Variants in TAP2 observed in about 807,000 individuals in gnomAD.
TAP2 encodes transporter 2, ATP binding cassette subfamily B member.
A neutral mutation model predicts 74.7 loss-of-function variants in TAP2; 49 were observed. That is an observed-to-expected ratio of 0.66 (90% CI 0.52 to 0.83). The LOEUF (loss-of-function observed/expected upper bound fraction) is 0.83, where lower values mean the gene tolerates loss of function less well. Ranked by LOEUF, TAP2 falls within the 40% of genes least tolerant of loss-of-function variation. The pLI, the probability that TAP2 is intolerant of heterozygous loss-of-function variation, is 0.00. For synonymous variants in TAP2, 306 were observed against 368.4 expected (o/e 0.83, Z 1.94); for missense variants, 739 against 859.0 (o/e 0.86, Z 1.75).
At position 32,832,457 on chromosome 6, in the gene TAP2, A is replaced by T; in HGVS notation, c.1148T>A (p.Leu383Gln). Residue 383 changes from leucine (L) to glutamine (Q), a missense_variant, in exon 7 of 12, where the codon CTG (leucine) becomes CAG (glutamine). Coordinates refer to ENST00000374897, the MANE Select transcript of TAP2 (RefSeq NM_001290043.2). This position sits in a 1 kb window ranked among gnomAD's most constrained non-coding sequence, Gnocchi z 5.9. Reference sequence around the variant, plus strand: ...CATCAGCATCTGCACCCCCAAGTGCAGCACCTGGAAGAGGAGAAGAAAGAG... The same window carrying T: ...CATCAGCATCTGCACCCCCAAGTGCTGCACCTGGAAGAGGAGAAGAAAGAG... ...RALYLLVRRV[L>Q]HLGVQMLMLS... 1 of 1,612,480 alleles carries T rather than the reference A, an allele frequency of 6.2e-7. No individual in the cohort carries two copies. Among genetic ancestry groups the T allele is most frequent in the Non-Finnish European group, 8.5e-7 (1 of 1,179,822 alleles).
chr6:32,827,614 G>T lies in TAP2; in HGVS notation c.*1292C>A. 1 of 593,608 alleles carries T rather than the reference G, an allele frequency of 1.7e-6. No individual in the cohort carries two copies. The highest frequency in any genetic ancestry group is 6.3e-5 in the Admixed American group (1 of 15,754). The allele number at this position is 593,608 out of a possible 1,614,324, so 36.8% of individuals were successfully genotyped here. On this transcript the variant is annotated 3_prime_UTR_variant, in exon 12 of 12. Transcript: ENST00000374897. The stretch of plus-strand genomic sequence containing the variant: ...TCTTGAACTTGAAAATCAGGGGCGA[G>T]TCGAGCAGAAAATGGGCAAGAAAAC...
In TAP2 at chr6:32,830,011, C is replaced by T. The variant is rs370090254; in HGVS notation, c.1714G>A (p.Glu572Lys). Residue 572 changes from glutamate to lysine, a missense_variant, in exon 10 of 12, where the codon GAA becomes AAA. Transcript: ENST00000374897. ...NNIAYGLQSC[E>K]DDKVMAAAQA... ...GCAGCCGCCATCACCTTATCATCTTCGCAGCTCTGCAGCCCATAAGCAATG... is the reference window on the plus strand; with the variant it reads ...GCAGCCGCCATCACCTTATCATCTTTGCAGCTCTGCAGCCCATAAGCAATG... 8.1e-6 allele frequency: 13 copies of T among 1,612,998 alleles called. No homozygotes were observed. The highest frequency in any genetic ancestry group is 8.0e-5 in the African/African-American group (6 of 74,898).
chr6:32,822,353 T>C (rs1318739943), downstream of TAP2: 30 of 1,343,132 alleles, frequency 2.2e-5, no homozygotes, highest in Non-Finnish European at 3.0e-5. Flanking sequence ...CCCTTGATCT[T>C]AATGGGTGTT....
Position 32,830,000 on chromosome 6 carries a change from C to T in TAP2, c.1725G>A (p.Lys575=), listed in dbSNP as rs1469313516. The part of the protein sequence containing the change: ...AYGLQSCEDD[K]VMAAAQAAHA... Reference sequence around the variant, plus strand: ...GGGCAGCCTGGGCAGCCGCCATCACCTTATCATCTTCGCAGCTCTGCAGCC... The same window carrying T: ...GGGCAGCCTGGGCAGCCGCCATCACTTTATCATCTTCGCAGCTCTGCAGCC... Residue 575 remains lysine, a synonymous_variant, in exon 10 of 12, where the codon AAG becomes AAA. Coordinates refer to ENST00000374897, the MANE Select transcript of TAP2 (RefSeq NM_001290043.2). 2 of 1,613,158 alleles carry T rather than the reference C, an allele frequency of 1.2e-6. No individual in the cohort carries two copies. Among genetic ancestry groups the T allele is most frequent in the Non-Finnish European group, 1.7e-6 (2 of 1,180,032 alleles).
chr6:32,827,717 C>G lies in TAP2; in HGVS notation c.*1189G>C. 2.1e-6 allele frequency: 2 copies of G among 935,528 alleles called. No homozygotes were observed. Among genetic ancestry groups the G allele is most frequent in the Non-Finnish European group, 2.5e-6 (2 of 785,844 alleles). The allele number at this position is 935,528 out of a possible 1,614,324, so 58.0% of individuals were successfully genotyped here. A position where few individuals can be genotyped will look rare whatever the true frequency, so the allele number is the denominator to read the frequency against. On this transcript the variant is annotated 3_prime_UTR_variant, in exon 12 of 12. Transcript: ENST00000374897. ...CTGGATACAACAGGAGAGGGTGAGA[C>G]AGATGGGCTGGAACAGTGTGTGCTC...
Position 32,838,134 on chromosome 6 carries a change from C to T in TAP2, c.100G>A (p.Gly34Arg), listed in dbSNP as rs145218757. 4.9e-5 allele frequency: 79 copies of T among 1,608,430 alleles called. No homozygotes were observed. Among genetic ancestry groups the T allele is most frequent in the Non-Finnish European group, 6.7e-5 (79 of 1,177,286 alleles). Residue 34 changes from glycine to arginine, a missense_variant, in exon 2 of 12, where the codon GGG becomes AGG. Physicochemically the swap from Gly to Arg is moderately radical, Grantham distance 125. Transcript: ENST00000374897. ...CCCTCCAGCCATAGTCCTGGCAGCC[C>T]TTGAGGAAGCAAAGTCCCCAGAGGG... ...QGPLGTLLPQ[G>R]LPGLWLEGTL...
downstream of TAP2, chr6:32,825,260 A>T (rs887127994): frequency 6.6e-6 from 1 of 151,950 alleles, no homozygotes; most frequent in Non-Finnish European, 1.5e-5. Context: ...TGGACTCAGC[A>T]ACTCCCCTTT....
In TAP2 at chr6:32,835,921, G is replaced by C; in HGVS notation, c.609-148C>G. Reference sequence around the variant, plus strand: ...GCAAAAGAGAAAGAAATGAGAGACAGACACACAGAGAGAGAAGAGGTAAGG... The same window carrying C: ...GCAAAAGAGAAAGAAATGAGAGACACACACACAGAGAGAGAAGAGGTAAGG... On this transcript the variant is annotated intron_variant, in intron 3 of 11. Coordinates refer to ENST00000374897, the MANE Select transcript of TAP2 (RefSeq NM_001290043.2). This position sits in a 1 kb window ranked among gnomAD's most constrained non-coding sequence, Gnocchi z 4.0. 1.1e-6 allele frequency: 1 copy of C among 932,278 alleles called. No homozygotes were observed. The highest frequency in any genetic ancestry group is 1.5e-5 in the South Asian group (1 of 67,334). 57.8% of individuals were successfully genotyped at this position (932,278 alleles called of 1,614,324 possible).
chr6:32,829,089 C>G, intron 11 of TAP2, 55 bp from the exon 12 acceptor site: 2 of 1,521,540 alleles, frequency 1.3e-6, no homozygotes, highest in Middle Eastern at 1.7e-4. Context: ...GACACCACAT[C>G]CACCTGGGCA....
Position 32,837,995 on chromosome 6 carries a change from C to T in TAP2, c.239G>A (p.Arg80Lys), listed in dbSNP as rs1265556134. ...CLATPLTVSLRALVAGASRAP... is the reference protein window; with the variant it reads ...CLATPLTVSLKALVAGASRAP... ...ACGTGAGGCCCCCGCGACCAGGGCT[C>T]TCAGGGAGACAGTCAGGGGGGTGGC... is the stretch of plus-strand genomic sequence containing the variant. The change falls in exon 2 of 12, where the codon AGA becomes AAA. Residue 80 changes from arginine to lysine, a missense_variant. Transcript: ENST00000374897. 3 of 1,612,464 alleles carry T rather than the reference C, an allele frequency of 1.9e-6. No homozygotes were observed. The highest frequency in any genetic ancestry group is 2.5e-6 in the Non-Finnish European group (3 of 1,179,860).
chr6:32,838,291 C>T (rs1274279316), intron 1 of TAP2, 54 bp from the exon 2 acceptor site: 6 of 1,501,308 alleles, frequency 4.0e-6, no homozygotes, highest in South Asian at 1.3e-5. Context: ...AATCCTTGTC[C>T]CTGCCCTCCT....
chr6:32,832,664 C>T lies in TAP2; in HGVS notation c.1106G>A (p.Arg369Lys). Residue 369 changes from arginine (R) to lysine (K), a missense_variant, in exon 6 of 12, where the codon AGA becomes AAA. By Grantham distance (26) the Arg-to-Lys change is conservative (BLOSUM62 2). Coordinates refer to ENST00000374897, the MANE Select transcript of TAP2 (RefSeq NM_001290043.2). This position sits in a 1 kb window ranked among gnomAD's most constrained non-coding sequence, Gnocchi z 5.9. ...CAGGTACAAGGCGCGTTCCAGGTCT[C>T]TCCGCCAATACAGCTGCCGACATTG... ...LEQCRQLYWR[R>K]DLERALYLLV... 6.2e-7 allele frequency: 1 copy of T among 1,613,100 alleles called. No homozygotes were observed. Among genetic ancestry groups the T allele is most frequent in the Non-Finnish European group, 8.5e-7 (1 of 1,180,044 alleles).
intron 10 of TAP2, 59 bp downstream of exon 10, chr6:32,829,871 A>T (rs915926826): frequency 1.9e-6 from 3 of 1,607,498 alleles, no homozygotes; most frequent in Non-Finnish European, 2.6e-6. Context: ...CACCACTAAG[A>T]GTAAGTCTGA....
Position 32,835,707 on chromosome 6 carries a change from G to T in TAP2, c.675C>A (p.Ile225=). 6.2e-7 allele frequency: 1 copy of T among 1,613,108 alleles called. No individual in the cohort carries two copies. Among genetic ancestry groups the T allele is most frequent in the Non-Finnish European group, 8.5e-7 (1 of 1,180,048 alleles). Residue 225 remains isoleucine, a synonymous_variant, in exon 4 of 12, where the codon ATC becomes ATA. Transcript: ENST00000374897. This position sits in a 1 kb window ranked among gnomAD's most constrained non-coding sequence, Gnocchi z 4.0. The part of the protein sequence containing the change: ...TYTMSRINLR[I]REQLFSSLLR... ...GCAGGGAGGAGAAAAGCTGCTCCCG[G>T]ATCCGCAAGTTGATTCGAGACATGG...
rs1768774117 is a variant in TAP2, at chr6:32,828,135, C to T, written c.*771G>A. 1 of 794,632 alleles carries T rather than the reference C, an allele frequency of 1.3e-6. No individual in the cohort carries two copies. The highest frequency in any genetic ancestry group is 1.9e-5 in the African/African-American group (1 of 53,604). The allele number at this position is 794,632 out of a possible 1,614,324, so 49.2% of individuals were successfully genotyped here. On this transcript the variant is annotated 3_prime_UTR_variant, in exon 12 of 12. Coordinates refer to ENST00000374897, the MANE Select transcript of TAP2 (RefSeq NM_001290043.2). ...GGGAAAGTCATTGAGCCTCTTTGAG[C>T]TTCAGTTTCCTCATCTGTAAAATGG...
Position 32,835,554 on chromosome 6 carries a change from G to C in TAP2, c.739+89C>G. 1 of 1,582,594 alleles carries C rather than the reference G, an allele frequency of 6.3e-7. No homozygotes were observed. Among genetic ancestry groups the C allele is most frequent in the Non-Finnish European group, 8.7e-7 (1 of 1,154,670 alleles). On this transcript the variant is annotated intron_variant, in intron 4 of 11. Transcript: ENST00000374897. The surrounding 1 kb of genome is among the most constrained non-coding windows in gnomAD (Gnocchi z 4.0). ...AGCATCCCCAAGTCCTGGCATACGGGTGAAGGCAGGAGGAGAGGCTGTGGG... is the reference window on the plus strand; with the variant it reads ...AGCATCCCCAAGTCCTGGCATACGGCTGAAGGCAGGAGGAGAGGCTGTGGG...
chr6:32,830,832 G>A (rs145928073), intron 7 of TAP2, 26 bp from the exon 8 acceptor site: 1 of 1,586,306 alleles, frequency 6.3e-7, no homozygotes, highest in Non-Finnish European at 8.6e-7. Context: ...GGGAGAGCCG[G>A]CTAATTAAAC....
chr6:32,832,754 AGCCCTC>A lies in TAP2; in HGVS notation c.1010_1015del (p.Gly337_Leu339delinsVal). 1 of 1,613,106 alleles carries A rather than the reference AGCCCTC, an allele frequency of 6.2e-7. No individual in the cohort carries two copies. The highest frequency in any genetic ancestry group is 8.5e-7 in the Non-Finnish European group (1 of 1,180,040). Reference sequence around the variant, plus strand: ...GGCCCCAAAACTGCGAACGGTCTGCAGCCCTCCAACGGCTTCCCGCACCACCTGCCC... The same window carrying A: ...GGCCCCAAAACTGCGAACGGTCTGCACAACGGCTTCCCGCACCACCTGCCC... On this transcript the variant is annotated inframe_deletion, in exon 6 of 12. Transcript: ENST00000374897. This position sits in a 1 kb window ranked among gnomAD's most constrained non-coding sequence, Gnocchi z 5.9.
At position 32,826,400 on chromosome 6, in the gene TAP2, G is replaced by A. The variant is rs1187315538; in HGVS notation, c.*2506C>T. 1 of 985,226 alleles carries A rather than the reference G, an allele frequency of 1.0e-6. No individual in the cohort carries two copies. The highest frequency in any genetic ancestry group is 1.2e-6 in the Non-Finnish European group (1 of 829,942). The allele number at this position is 985,226 out of a possible 1,614,324, so 61.0% of individuals were successfully genotyped here. The stretch of plus-strand genomic sequence containing the variant: ...TGGGTGGGAAAGATACTGCAGGTAA[G>A]CGACAAGAAGGGGAAATTACAGGGT... On this transcript the variant is annotated 3_prime_UTR_variant, in exon 12 of 12. Transcript: ENST00000374897.
Sources: allele counts gnomAD v4.1 joint callset, GRCh38; gene constraint gnomAD v4.1.1; non-coding constraint Gnocchi (gnomAD v3.1); transcripts MANE v1.5; gene names NCBI Gene and HGNC (gene_info 2026-07-23, HGNC 2026-07-21).